Variants in SEMA3A observed in about 807,000 individuals in gnomAD.
SEMA3A encodes semaphorin 3A, also known as semaphorin-3A.
In SEMA3A, 29 loss-of-function variants were observed where a neutral mutation model predicts 97.9. The observed-to-expected ratio is 0.30, with a 90% CI of 0.22 to 0.40. SEMA3A has a LOEUF of 0.40. Among genes scored for constraint, SEMA3A ranks in the 10% least tolerant of loss-of-function variants. SEMA3A has a pLI of 1.00. For synonymous variants in SEMA3A, 321 were observed against 323.7 expected (o/e 0.99, Z 0.09); for missense variants, 763 against 951.3 (o/e 0.80, Z 2.60).
chr7:84,172,718 A>C (rs1050728331), intron 1 of SEMA3A, among the ~76,000 whole-genome samples: 3 of 151,774 alleles, frequency 2.0e-5, no homozygotes, highest in African/African-American at 7.3e-5. Context: ...GGGCCACTGC[A>C]CCCAGCCTGC....
chr7:84,062,433 G>T (rs898413214), intron 4 of SEMA3A, among the ~76,000 whole-genome samples: 1 of 152,218 alleles, frequency 6.6e-6, no homozygotes, highest in East Asian at 1.9e-4. Flanking sequence ...TGGCCGAATA[G>T]GAACAGCTCC....
Position 83,970,441 on chromosome 7 carries a change from A to G in SEMA3A, c.1717+6691T>C, listed in dbSNP as rs952301289. On this transcript the variant is annotated intron_variant, in intron 15 of 16. Transcript: ENST00000265362. Reference sequence around the variant, plus strand: ...ATATAGCAGAAACAGAAGGCATCACATTTCAGCTTTCTATTTATTCACTCT... The same window carrying G: ...ATATAGCAGAAACAGAAGGCATCACGTTTCAGCTTTCTATTTATTCACTCT... Among the ~76,000 whole-genome samples, 4 of 152,154 alleles carry G rather than the reference A, an allele frequency of 2.6e-5. 1 individual carries two copies. Among genetic ancestry groups the G allele is most frequent in the Admixed American group, 2.6e-4 (4 of 15,270 alleles).
At chr7:84,123,902 C>A (rs1795710743) in intron 3 of SEMA3A, among the ~76,000 whole-genome samples, 1 of 151,736 alleles carries the variant, frequency 6.6e-6, no homozygotes, top group East Asian at 1.9e-4. Flanking sequence ...AAAGTCCATT[C>A]TTTGTGGAAT....
exon 1 of SEMA3A, chr7:84,492,545 T>C (rs1806761183): frequency 6.6e-6 from 1 of 152,140 alleles, no homozygotes; most frequent in Non-Finnish European, 1.5e-5. Context: ...AGATTAGGGA[T>C]AAATGTGAGC....
At chr7:84,072,233 G>GC (rs1382405866) in intron 4 of SEMA3A, among the ~76,000 whole-genome samples, 9 of 151,858 alleles carry the variant, frequency 5.9e-5, no homozygotes, top group Admixed American at 4.6e-4. Context: ...ACTGGGCCTT[G>GC]TAATTCTTCA....
intron 4 of SEMA3A, among the ~76,000 whole-genome samples, chr7:84,083,050 T>TA (rs776377028): frequency 1.3e-5 from 2 of 151,814 alleles, no homozygotes; most frequent in African/African-American, 2.4e-5. Flanking sequence ...TTTAAAACCT[T>TA]AGATTGTCAA....
At chr7:84,215,347 A>G (rs545125323) in intron 3 of SEMA3A, among the ~76,000 whole-genome samples, 5 of 150,852 alleles carry the variant, frequency 3.3e-5, no homozygotes, top group Non-Finnish European at 7.4e-5. Context: ...TACCACACCC[A>G]GCTAATTTTT....
At chr7:84,389,228 A>G (rs918014589) in intron 1 of SEMA3A, among the ~76,000 whole-genome samples, 6 of 151,754 alleles carry the variant, frequency 4.0e-5, no homozygotes, top group Non-Finnish European at 5.9e-5. Context: ...TTAAGCTTTG[A>G]CCTTCTAGAT....
chr7:84,477,161 G>A (rs1239206284), intron 1 of SEMA3A, among the ~76,000 whole-genome samples: 4 of 149,924 alleles, frequency 2.7e-5, no homozygotes, highest in African/African-American at 9.8e-5. Flanking sequence ...AAAATAGGCA[G>A]GGTGCTGTGG....
At chr7:84,067,133 C>G (rs908236092) in intron 4 of SEMA3A, among the ~76,000 whole-genome samples, 13 of 152,158 alleles carry the variant, frequency 8.5e-5, no homozygotes, top group African/African-American at 3.1e-4. Context: ...CTACAAGTAT[C>G]TGTTCTTTGA....
At chr7:83,974,153 ATAT>A (rs781149568) in intron 15 of SEMA3A, among the ~76,000 whole-genome samples, 1 of 152,072 alleles carries the variant, frequency 6.6e-6, no homozygotes, top group Non-Finnish European at 1.5e-5. Flanking sequence ...CAGCACACAT[ATAT>A]TAAGATTTGA....
chr7:84,113,308 A>G (rs773231266), intron 3 of SEMA3A, among the ~76,000 whole-genome samples: 8 of 152,188 alleles, frequency 5.3e-5, no homozygotes, highest in African/African-American at 1.7e-4. Flanking sequence ...AACCTACATA[A>G]AAGAGTATCA....
chr7:84,468,517 C>T (rs1292225814), intron 1 of SEMA3A, among the ~76,000 whole-genome samples: 1 of 152,078 alleles, frequency 6.6e-6, no homozygotes, highest in Non-Finnish European at 1.5e-5. Context: ...CTAGTCACAC[C>T]AACAACGTTA....
intron 1 of SEMA3A, among the ~76,000 whole-genome samples, chr7:84,408,323 C>A (rs1205877529): frequency 6.6e-6 from 1 of 152,076 alleles, no homozygotes; most frequent in African/African-American, 2.4e-5. Flanking sequence ...CAGAGAAATG[C>A]AAATCAAAAC....
rs137961979 is a variant in SEMA3A, at chr7:84,155,195, C to G, written c.113-20244G>C. 7.5e-4 allele frequency among the ~76,000 whole-genome samples: 114 copies of G among 152,218 alleles called. 3 individuals carry two copies. The East Asian group carries it at 0.021, about 29-fold the overall frequency. ...CAAGACCTATCTATCAGCACTCTTC[C>G]CCGTGAAGATTTTCATGACGCAGGA... is the stretch of plus-strand genomic sequence containing the variant. On this transcript the variant is annotated intron_variant, in intron 1 of 16. Coordinates refer to ENST00000265362, the MANE Select transcript of SEMA3A (RefSeq NM_006080.3).
intron 4 of SEMA3A, among the ~76,000 whole-genome samples, chr7:84,077,047 T>C (rs542288146): frequency 6.6e-6 from 1 of 152,274 alleles, no homozygotes; most frequent in Non-Finnish European, 1.5e-5. Flanking sequence ...ATTATTCAGC[T>C]ATGAATGCCT....
upstream of SEMA3A, among the ~76,000 whole-genome samples, chr7:84,198,404 G>T (rs983915445): frequency 1.3e-5 from 2 of 151,934 alleles, no homozygotes; most frequent in Non-Finnish European, 2.9e-5. Flanking sequence ...TGTTGGTCAG[G>T]CTGGCCAGGT....
intron 4 of SEMA3A, among the ~76,000 whole-genome samples, chr7:84,067,658 A>C (rs1212821989): frequency 3.3e-5 from 5 of 152,236 alleles, no homozygotes; most frequent in Non-Finnish European, 5.9e-5. Flanking sequence ...TGCAGCCAAA[A>C]AACACATGAA....
chr7:84,268,197 C>T (rs919757459), intron 3 of SEMA3A, among the ~76,000 whole-genome samples: 3 of 150,548 alleles, frequency 2.0e-5, no homozygotes, highest in East Asian at 2.0e-4. Context: ...TCCTGTAAGA[C>T]GGAAGGGGCA....
Sources: gnomAD v4.1 joint callset for allele counts (sites outside exome capture counted in the v4.1 genomes callset) on GRCh38, gnomAD v4.1.1 for gene constraint, MANE v1.5 for transcripts, NCBI Gene and HGNC (gene_info 2026-07-23, HGNC 2026-07-21) for gene names.